Variants in ASAP1 observed in about 807,000 individuals in gnomAD.
ASAP1 encodes the protein ArfGAP with SH3 domain, ankyrin repeat and PH domain 1.
Under a neutral mutation model 145.2 loss-of-function variants are expected in ASAP1, and 43 were observed. The observed-to-expected ratio is 0.30, with a 90% confidence interval of 0.23 to 0.38. The LOEUF (loss-of-function observed/expected upper bound fraction) is 0.38, where lower values mean the gene tolerates loss of function less well. ASAP1 is among the 10% of genes least tolerant of loss of function. The pLI, the probability that ASAP1 is intolerant of heterozygous loss-of-function variation, is 1.00. For synonymous variants in ASAP1, 546 were observed against 515.5 expected (o/e 1.06, Z -0.80); for missense variants, 1,018 against 1,355.3 (o/e 0.75, Z 3.91).
chr8:130,369,089 C>G (rs186597523), intron 2 of ASAP1, among the ~76,000 whole-genome samples: 28 of 152,262 alleles, frequency 1.8e-4, no homozygotes, highest in Admixed American at 1.1e-3. Context: ...TATACAGAAT[C>G]AATTAGATAA....
At chr8:130,104,199 T>C (rs2097533364) in intron 24 of ASAP1, among the ~76,000 whole-genome samples, 1 of 152,222 alleles carries the variant, frequency 6.6e-6, no homozygotes, top group Non-Finnish European at 1.5e-5. Context: ...CCCATCTAAT[T>C]AGGAATAAAT....
intron 1 of ASAP1, among the ~76,000 whole-genome samples, chr8:130,436,093 A>G (rs141046195): frequency 3.6e-4 from 55 of 152,348 alleles, no homozygotes; most frequent in Middle Eastern, 3.4e-3. Flanking sequence ...TGTGAAAGAG[A>G]ACATTAGTAT....
chr8:130,273,634 T>C lies in ASAP1; in HGVS notation c.187-36640A>G, dbSNP rs146479273. On this transcript the variant is annotated intron_variant, in intron 3 of 29. Coordinates refer to ENST00000518721, the MANE Select transcript of ASAP1 (RefSeq NM_018482.4). ...GTATCTCTGGGCATCCTGATGGAGGTTGTCTACAAACCTCACTTCCAGAAA... is the reference window on the plus strand; with the variant it reads ...GTATCTCTGGGCATCCTGATGGAGGCTGTCTACAAACCTCACTTCCAGAAA... Among the ~76,000 whole-genome samples, 344 of 152,206 alleles carry C rather than the reference T, an allele frequency of 2.3e-3. 1 individual carries two copies. The highest frequency in any genetic ancestry group is 3.8e-3 in the Admixed American group (58 of 15,284).
chr8:130,404,401 T>C, intron 1 of ASAP1, among the ~76,000 whole-genome samples: 1 of 152,180 alleles, frequency 6.6e-6, no homozygotes, highest in Admixed American at 6.5e-5. Flanking sequence ...TTTCCTGACT[T>C]TGAAAGAAAT....
chr8:130,308,914 C>T (rs367628057), intron 3 of ASAP1, among the ~76,000 whole-genome samples: 182 of 151,876 alleles, frequency 1.2e-3, no homozygotes, highest in South Asian at 4.8e-3. Context: ...CGGTGGTGTG[C>T]GCCTCAAAAA....
chr8:130,071,891 G>C (rs2097447380), intron 27 of ASAP1, among the ~76,000 whole-genome samples: 1 of 152,188 alleles, frequency 6.6e-6, no homozygotes. Context: ...CAGGGAGTAG[G>C]CTGTGGTGCT....
chr8:130,091,680 T>C (rs919203080), intron 25 of ASAP1, among the ~76,000 whole-genome samples: 3 of 152,250 alleles, frequency 2.0e-5, no homozygotes, highest in African/African-American at 7.2e-5. Flanking sequence ...TGAGCCTCTG[T>C]TTCCTTATAT....
intron 27 of ASAP1, among the ~76,000 whole-genome samples, chr8:130,071,457 C>CA (rs2135207825): frequency 6.6e-6 from 1 of 152,310 alleles, no homozygotes; most frequent in East Asian, 1.9e-4. Context: ...TATGTAGCCT[C>CA]ACCCTATCTG....
At chr8:130,396,648 A>G (rs1319085971) in intron 2 of ASAP1, among the ~76,000 whole-genome samples, 2 of 152,224 alleles carry the variant, frequency 1.3e-5, no homozygotes, top group African/African-American at 4.8e-5. Context: ...CAGAGTTGAG[A>G]GGTCAGCCTT....
At chr8:130,258,554 T>C (rs1434432206) in intron 3 of ASAP1, among the ~76,000 whole-genome samples, 1 of 152,198 alleles carries the variant, frequency 6.6e-6, no homozygotes, top group Non-Finnish European at 1.5e-5. Context: ...CCCAGATAAC[T>C]TGGTCTGCAT....
Position 130,115,743 on chromosome 8 carries a change from G to A in ASAP1, c.2065-8C>T. The A allele has an allele frequency of 1.3e-6, 2 of 1,594,550 alleles. No homozygotes were observed. On this transcript the variant is annotated splice_region_variant and splice_polypyrimidine_tract_variant and intron_variant, in intron 22 of 29. Transcript: ENST00000518721. Reference sequence around the variant, plus strand: ...AGATTTAGCCTGGGAAAGCTGGAAGGAACAGCAAATGTGCACCATTTTAAT... The same window carrying A: ...AGATTTAGCCTGGGAAAGCTGGAAGAAACAGCAAATGTGCACCATTTTAAT...
chr8:130,283,587 GAAAAAAAAAAAAAA>G (rs71304303), intron 3 of ASAP1, among the ~76,000 whole-genome samples: 5 of 20,852 alleles, frequency 2.4e-4, no homozygotes. Context: ...ATCACAGAAA[GAAAAAAAAAAAAAA>G]AAAAAAAAAA....
chr8:130,301,694 T>C (rs149491917), intron 3 of ASAP1, among the ~76,000 whole-genome samples: 128 of 152,358 alleles, frequency 8.4e-4, no homozygotes, highest in Middle Eastern at 6.8e-3. Flanking sequence ...CAATATTTCC[T>C]TATAGGTACA....
intron 13 of ASAP1, among the ~76,000 whole-genome samples, chr8:130,140,082 G>C (rs192680334): frequency 1.9e-3 from 286 of 148,856 alleles, no homozygotes; most frequent in African/African-American, 6.9e-3. Flanking sequence ...GGCCAGGCTA[G>C]AGTGCACTGG....
Position 130,116,952 on chromosome 8 carries a change from G to A in ASAP1, c.1924C>T (p.His642Tyr). Reference sequence around the variant, plus strand: ...GGTTTACTGTACATACTACAGTAGTGTAGAACTGTGTTTCCCAGGGCCGTC... The same window carrying A: ...GGTTTACTGTACATACTACAGTAGTATAGAACTGTGTTTCCCAGGGCCGTC... ...KQTALGNTVL[H>Y]YCSMYSKPEC... The change falls in exon 21 of 30, where the codon CAC becomes TAC. Residue 642 changes from histidine (H) to tyrosine (Y), a missense_variant. By Grantham distance (83) the His-to-Tyr change is moderately conservative (BLOSUM62 2). This residue lies in a region of ASAP1 where 353 missense variants were observed against 375.4 expected (regional missense o/e 0.94). Transcript: ENST00000518721. 1 of 1,612,834 alleles carries A rather than the reference G, an allele frequency of 6.2e-7. No homozygotes were observed. Among genetic ancestry groups the A allele is most frequent in the Non-Finnish European group, 8.5e-7 (1 of 1,179,616 alleles).
intron 6 of ASAP1, 83 bp from the exon 7 acceptor site, chr8:130,187,368 G>C (rs1814805814): frequency 8.4e-7 from 1 of 1,189,914 alleles, no homozygotes; most frequent in Non-Finnish European, 1.2e-6. Context: ...ATCTTAGCAA[G>C]AATTGTTTCC....
intron 10 of ASAP1, 88 bp downstream of exon 10, chr8:130,168,904 T>G: frequency 1.3e-6 from 1 of 782,586 alleles, no homozygotes; most frequent in South Asian, 1.8e-5. Flanking sequence ...CTTTTCTGCT[T>G]TTAACACCTT....
intron 3 of ASAP1, among the ~76,000 whole-genome samples, chr8:130,255,960 A>C (rs1386833020): frequency 6.6e-6 from 1 of 152,184 alleles, no homozygotes; most frequent in Non-Finnish European, 1.5e-5. Context: ...CCACACACAC[A>C]GAACAGCTGG....
At chr8:130,270,412 T>A (rs1820516666) in intron 3 of ASAP1, among the ~76,000 whole-genome samples, 3 of 152,334 alleles carry the variant, frequency 2.0e-5, no homozygotes, top group Admixed American at 2.0e-4. Flanking sequence ...TTCTGTCTGA[T>A]CTGTGTGATC....
Sources: allele counts gnomAD v4.1 joint callset (sites outside exome capture counted in the v4.1 genomes callset), GRCh38; gene constraint gnomAD v4.1.1; regional missense constraint gnomAD v4.1.1; transcripts MANE v1.5; gene names NCBI Gene and HGNC (gene_info 2026-07-23, HGNC 2026-07-21).